The following EML4 variants were observed in gnomAD, a reference collection of about 807,000 sequenced individuals.
EML4 encodes EMAP like 4, also known as echinoderm microtubule-associated protein-like 4.
Under a neutral mutation model 129.0 loss-of-function variants are expected in EML4, and 72 were observed. That is an observed-to-expected ratio of 0.56 (90% CI 0.46 to 0.68). EML4 has a LOEUF of 0.68. Among genes scored for constraint, EML4 ranks in the 30% least tolerant of loss-of-function variants. The pLI is 0.00. For missense variants in EML4, 1,363 were observed against 1,190.6 expected (o/e 1.14, Z -2.13); for synonymous variants, 532 against 405.0 (o/e 1.31, Z -3.77).
In EML4 at chr2:42,280,953, G is replaced by A; in HGVS notation, c.771G>A (p.Glu257=). The A allele has an allele frequency of 6.2e-7, 1 of 1,607,398 alleles. No individual in the cohort carries two copies. The highest frequency in any genetic ancestry group is 8.5e-7 in the Non-Finnish European group (1 of 1,177,750). ...ACATCAGAACGGAACTGCCTCCTGA[G>A]AAGCTCAAACTGGAGTGGGCGTATC... ...YDDIRTELPP[E]KLKLEWAYGY... is the part of the protein sequence containing the mutation. Residue 257 remains glutamate, a synonymous_variant, in exon 7 of 23, where the codon GAG becomes GAA. Coordinates refer to ENST00000318522, the MANE Select transcript of EML4 (RefSeq NM_019063.5).
At chr2:42,253,612 A>G (rs1055370926) in intron 2 of EML4, among the ~76,000 whole-genome samples, 1 of 152,210 alleles carries the variant, frequency 6.6e-6, no homozygotes, top group Non-Finnish European at 1.5e-5. Flanking sequence ...TTGGTAGTGA[A>G]GATGCATCCA....
rs531998355 is a variant in EML4 at position 42,264,651 on chromosome 2, A to G, written c.642-55A>G. 424 of 987,480 alleles carry G rather than the reference A, an allele frequency of 4.3e-4. 5 individuals carry two copies. The East Asian group carries it at 0.01, about 24-fold the overall frequency. The allele number at this position is 987,480 out of a possible 1,614,324, so 61.2% of individuals were successfully genotyped here. ...TTTACAGTTTCTTGAGGTGATTTTA[A>G]TGGTTAGCCATATAAACTTATAAAA... is the stretch of plus-strand genomic sequence containing the variant. On this transcript the variant is annotated intron_variant, in intron 5 of 22. Coordinates refer to ENST00000318522, the MANE Select transcript of EML4 (RefSeq NM_019063.5).
At chr2:42,314,377 C>T (rs1669119437) in intron 17 of EML4, among the ~76,000 whole-genome samples, 1 of 151,814 alleles carries the variant, frequency 6.6e-6, no homozygotes, top group Non-Finnish European at 1.5e-5. Flanking sequence ...AAAATTGCTG[C>T]TTTTTTTGCC....
At chr2:42,231,190 C>G (rs371636523) in intron 1 of EML4, among the ~76,000 whole-genome samples, 2 of 152,198 alleles carry the variant, frequency 1.3e-5, no homozygotes, top group East Asian at 3.8e-4. Flanking sequence ...ATCAGATGGA[C>G]CATTTTTAGT....
intron 1 of EML4, among the ~76,000 whole-genome samples, chr2:42,226,626 C>T (rs1673978245): frequency 6.6e-6 from 1 of 151,920 alleles, no homozygotes; most frequent in Non-Finnish European, 1.5e-5. Flanking sequence ...CATTGCACTC[C>T]AGCCTGGGCA....
At chr2:42,322,960 CAA>C (rs1669596948) in intron 19 of EML4, among the ~76,000 whole-genome samples, 1 of 152,152 alleles carries the variant, frequency 6.6e-6, no homozygotes, top group South Asian at 2.1e-4. Context: ...TTCTCCTACT[CAA>C]GAGTCCTTTT....
chr2:42,277,637 C>T (rs940088809), intron 6 of EML4, among the ~76,000 whole-genome samples: 2 of 149,060 alleles, frequency 1.3e-5, no homozygotes, highest in East Asian at 2.0e-4. Context: ...GGCGTGATCT[C>T]GGCTCACTGC....
At chr2:42,228,113 C>A (rs1206927620) in intron 1 of EML4, among the ~76,000 whole-genome samples, 1 of 151,862 alleles carries the variant, frequency 6.6e-6, no homozygotes, top group East Asian at 1.9e-4. Flanking sequence ...CCCAGCTACT[C>A]AGGAGGCTGA....
At chr2:42,305,972 T>C (rs558333222) in intron 17 of EML4, among the ~76,000 whole-genome samples, 12 of 152,192 alleles carry the variant, frequency 7.9e-5, no homozygotes, top group Non-Finnish European at 1.5e-4. Context: ...TTCTTACATA[T>C]AGTGCTGCAG....
At chr2:42,266,671 A>G (rs1336814019) in intron 6 of EML4, among the ~76,000 whole-genome samples, 1 of 150,298 alleles carries the variant, frequency 6.7e-6, no homozygotes, top group Non-Finnish European at 1.5e-5. Flanking sequence ...TTTTTTAAAT[A>G]GAGTCGGCGG....
intron 6 of EML4, among the ~76,000 whole-genome samples, chr2:42,273,469 G>T (rs942101536): frequency 2.0e-5 from 3 of 152,144 alleles, no homozygotes; most frequent in African/African-American, 7.2e-5. Context: ...AAGAAGGTGG[G>T]TAACTGTAAG....
chr2:42,284,719 T>TAC lies in EML4; in HGVS notation c.1011+16_1011+17insAC, dbSNP rs770784746. On this transcript the variant is annotated intron_variant, in intron 9 of 22. Transcript: ENST00000318522. ...AGATGGAAGGGTGAGTGGCATAGTGTTATGCCTTCTGTACCTAGAGACATT... is the reference window on the plus strand; with the variant it reads ...AGATGGAAGGGTGAGTGGCATAGTGTACTATGCCTTCTGTACCTAGAGACATT... The TAC allele has an allele frequency of 8.1e-5, 129 of 1,587,078 alleles. 1 individual carries two copies. The South Asian group carries it at 1.4e-3, about 17-fold the overall frequency.
chr2:42,303,430 G>T lies in EML4; in HGVS notation c.1883G>T (p.Trp628Leu). Reference protein sequence around the residue: ...LWNSMEHRLEWTRLVDEPGHC... With the variant: ...LWNSMEHRLELTRLVDEPGHC... ...AACTCAATGGAACACAGGCTGGAAT[G>T]GACCAGGCTGGTAGATGTGAGTGAA... is the stretch of plus-strand genomic sequence containing the variant. Residue 628 changes from tryptophan (W) to leucine (L), a missense_variant, in exon 16 of 23, where the codon TGG becomes TTG. Coordinates refer to ENST00000318522, the MANE Select transcript of EML4 (RefSeq NM_019063.5). The T allele has an allele frequency of 6.2e-7, 1 of 1,613,822 alleles. No individual in the cohort carries two copies. The highest frequency in any genetic ancestry group is 1.1e-5 in the South Asian group (1 of 91,002).
chr2:42,330,508 AGTT>A lies in EML4; in HGVS notation c.*303_*305del, dbSNP rs1394464878. ...TGTAAATACTGGAAACAAAAACAGC[AGTT>A]GCATTGATTTTGAAAACAAACCCCC... On this transcript the variant is annotated 3_prime_UTR_variant, in exon 23 of 23. Coordinates refer to ENST00000318522, the MANE Select transcript of EML4 (RefSeq NM_019063.5). 1 of 488,408 alleles carries A rather than the reference AGTT, an allele frequency of 2.0e-6. No homozygotes were observed. Among genetic ancestry groups the A allele is most frequent in the Non-Finnish European group, 3.8e-6 (1 of 266,566 alleles). The allele number at this position is 488,408 out of a possible 1,614,324, so 30.3% of individuals were successfully genotyped here. A position where few individuals can be genotyped will look rare whatever the true frequency, so the allele number is the denominator to read the frequency against.
chr2:42,240,904 G>A (rs1674985526), intron 1 of EML4, among the ~76,000 whole-genome samples: 1 of 152,134 alleles, frequency 6.6e-6, no homozygotes, highest in South Asian at 2.1e-4. Context: ...ACTTTGGGAG[G>A]CCAAGGCAGG....
intron 6 of EML4, among the ~76,000 whole-genome samples, chr2:42,265,612 A>C (rs1437000519): frequency 6.6e-6 from 1 of 152,206 alleles, no homozygotes; most frequent in Non-Finnish European, 1.5e-5. Context: ...AAAATACAGT[A>C]TTACAAAAAG....
intron 8 of EML4, among the ~76,000 whole-genome samples, chr2:42,283,954 G>A (rs977155893): frequency 4.6e-5 from 7 of 152,170 alleles, no homozygotes; most frequent in South Asian, 2.1e-4. Flanking sequence ...GTGTACAACC[G>A]TTGTTGAAAG....
At chr2:42,269,267 A>G (rs1021397637) in intron 6 of EML4, among the ~76,000 whole-genome samples, 3 of 152,244 alleles carry the variant, frequency 2.0e-5, no homozygotes, top group African/African-American at 7.2e-5. Flanking sequence ...TTAAAAATAA[A>G]TAAAACGAAC....
chr2:42,268,787 G>A (rs1399760282), intron 6 of EML4, among the ~76,000 whole-genome samples: 2 of 152,086 alleles, frequency 1.3e-5, no homozygotes, highest in African/African-American at 4.8e-5. Context: ...CATTATTTCT[G>A]GAGGAGAATC....
Sources: gnomAD v4.1 joint callset for allele counts (sites outside exome capture counted in the v4.1 genomes callset) on GRCh38, gnomAD v4.1.1 for gene constraint, MANE v1.5 for transcripts, NCBI Gene and HGNC (gene_info 2026-07-23, HGNC 2026-07-21) for gene names.